Variants in ATP8A1 observed in about 807,000 individuals in gnomAD.
ATP8A1 encodes ATPase phospholipid transporting 8A1.
A neutral mutation model predicts 177.7 loss-of-function variants in ATP8A1; 90 were observed. The observed-to-expected ratio is 0.51, with a 90% CI of 0.43 to 0.60. The LOEUF is 0.60. Ranked by LOEUF, ATP8A1 falls within the 20% of genes least tolerant of loss-of-function variation. The pLI is 0.00. For synonymous variants in ATP8A1, 493 were observed against 485.9 expected, an observed-to-expected ratio of 1.01 and a Z score of -0.19; for missense variants, 1,072 against 1,392.8, an observed-to-expected ratio of 0.77 and a Z score of 3.67.
chr4:42,596,734 T>A (rs1042693558), intron 6 of ATP8A1, among the ~76,000 whole-genome samples: 1 of 150,514 alleles, frequency 6.6e-6, no homozygotes, highest in Non-Finnish European at 1.5e-5. Flanking sequence ...TGCACAAAAG[T>A]GGCTTTACAG....
At chr4:42,594,561 T>C (rs1401624813) in intron 6 of ATP8A1, among the ~76,000 whole-genome samples, 1 of 152,122 alleles carries the variant, frequency 6.6e-6, no homozygotes, top group Non-Finnish European at 1.5e-5. Context: ...GAACATTGTA[T>C]ATTGGATATA....
chr4:42,471,986 T>C (rs1720472256), intron 25 of ATP8A1: 2 of 714,614 alleles, frequency 2.8e-6, no homozygotes, highest in South Asian at 2.7e-5. Context: ...TCCAGAAAGC[T>C]ATCATAATCT....
At chr4:42,653,829 T>TCC (rs1300137534) in intron 1 of ATP8A1, among the ~76,000 whole-genome samples, 1 of 152,242 alleles carries the variant, frequency 6.6e-6, no homozygotes, top group Admixed American at 6.5e-5. Context: ...ATCCAAACTT[T>TCC]TAGCCTGCTC....
intron 29 of ATP8A1, 130 bp downstream of exon 29, chr4:42,455,167 G>C (rs1159926699): frequency 3.8e-5 from 44 of 1,154,598 alleles, no homozygotes; most frequent in Non-Finnish European, 5.1e-5. Context: ...AATATGACTT[G>C]CCATAGTCGG....
intron 1 of ATP8A1, among the ~76,000 whole-genome samples, chr4:42,654,626 C>T (rs1741443715): frequency 6.6e-6 from 1 of 152,176 alleles, no homozygotes; most frequent in Admixed American, 6.5e-5. Context: ...TCTCCCATAC[C>T]AGCCTATTCA....
At chr4:42,454,356 A>T (rs1717501004) in intron 29 of ATP8A1, among the ~76,000 whole-genome samples, 1 of 152,224 alleles carries the variant, frequency 6.6e-6, no homozygotes, top group South Asian at 2.1e-4. Context: ...TAAATATTTA[A>T]AATATCCTAC....
intron 1 of ATP8A1, among the ~76,000 whole-genome samples, chr4:42,640,726 T>A (rs1215108486): frequency 6.6e-6 from 1 of 152,154 alleles, no homozygotes; most frequent in Non-Finnish European, 1.5e-5. Flanking sequence ...TGAGCCCTTC[T>A]GAAAGAGCCT....
At chr4:42,549,109 A>G in intron 18 of ATP8A1, 47 bp from the exon 19 acceptor site, 1 of 1,461,148 alleles carries the variant, frequency 6.8e-7, no homozygotes, top group Non-Finnish European at 9.5e-7. Flanking sequence ...GAAAAGTCTT[A>G]AGCTTCTAGG....
chr4:42,489,412 A>G (rs1722524465), intron 24 of ATP8A1, among the ~76,000 whole-genome samples: 1 of 152,182 alleles, frequency 6.6e-6, no homozygotes. Context: ...TCGTGACATC[A>G]GTATCCCTAG....
In ATP8A1 at chr4:42,586,348, C is replaced by G; in HGVS notation, c.722+1G>C. ...TTTTTATAAAGACGGATTTTACATA[C>G]CCATGTCCATCAAGCCTTATGTTTC... On this transcript the variant is annotated splice_donor_variant, in intron 9 of 36. Transcript: ENST00000381668. LOFTEE classifies it high-confidence loss of function. 1 of 1,613,726 alleles carries G rather than the reference C, an allele frequency of 6.2e-7. No homozygotes were observed.
chr4:42,451,829 C>T (rs1717959753), intron 30 of ATP8A1, 152 bp downstream of exon 30: 1 of 494,130 alleles, frequency 2.0e-6, no homozygotes, highest in Non-Finnish European at 3.6e-6. Flanking sequence ...TAAAAATCTT[C>T]AAAGTGTGTA....
chr4:42,443,664 G>A lies in ATP8A1; in HGVS notation c.3024C>T (p.His1008=), dbSNP rs1302537700. 6.8e-7 allele frequency: 1 copy of A among 1,475,954 alleles called. No individual in the cohort carries two copies. Among genetic ancestry groups the A allele is most frequent in the South Asian group, 1.1e-5 (1 of 88,218 alleles). 91.4% of individuals were successfully genotyped at this position (1,475,954 alleles called of 1,614,324 possible). A position where few individuals can be genotyped will look rare whatever the true frequency, so the allele number is the denominator to read the frequency against. ...LETSYWTWFS[H]IAIWGSIALW... The stretch of plus-strand genomic sequence containing the variant: ...GTGCGATGCTCCCCCATATCGCTAT[G>A]TGGCTGAACTGTAGAGCAAGGAAAT... The change falls in exon 33 of 37, where the codon CAC becomes CAT. Residue 1008 remains histidine (H), a synonymous_variant. Transcript: ENST00000381668.
At chr4:42,653,146 G>A (rs1741277130) in intron 1 of ATP8A1, among the ~76,000 whole-genome samples, 1 of 152,112 alleles carries the variant, frequency 6.6e-6, no homozygotes, top group African/African-American at 2.4e-5. Flanking sequence ...CATTTGCTCT[G>A]GCTGGAACAC....
intron 22 of ATP8A1, among the ~76,000 whole-genome samples, chr4:42,513,446 A>G (rs978460042): frequency 3.9e-5 from 6 of 152,232 alleles, no homozygotes; most frequent in African/African-American, 1.4e-4. Context: ...GCTCAAAGAA[A>G]ATCTATCCAA....
chr4:42,500,724 T>A (rs997543473), intron 24 of ATP8A1, among the ~76,000 whole-genome samples: 1 of 152,338 alleles, frequency 6.6e-6, no homozygotes, highest in South Asian at 2.1e-4. Context: ...GAGTCAAGAA[T>A]GAACCAAGGC....
chr4:42,523,922 CT>C (rs746723219), intron 21 of ATP8A1, among the ~76,000 whole-genome samples: 20 of 151,896 alleles, frequency 1.3e-4, no homozygotes, highest in Non-Finnish European at 2.5e-4. Flanking sequence ...ACATTCCTAT[CT>C]TTTCTCTGCC....
intron 24 of ATP8A1, among the ~76,000 whole-genome samples, chr4:42,497,647 A>T (rs1246436938): frequency 2.0e-5 from 3 of 151,342 alleles, no homozygotes. Flanking sequence ...AATTTTGTTT[A>T]AAAAAAAAGG....
chr4:42,489,001 A>G (rs1722482462), intron 24 of ATP8A1, among the ~76,000 whole-genome samples: 1 of 152,156 alleles, frequency 6.6e-6, no homozygotes, highest in African/African-American at 2.4e-5. Flanking sequence ...TTCCCCCTTT[A>G]TTATCACTTC....
chr4:42,472,250 G>A (rs1317434426), intron 25 of ATP8A1: 24 of 566,964 alleles, frequency 4.2e-5, no homozygotes, highest in Admixed American at 2.4e-4. Flanking sequence ...GATGACAGCC[G>A]GCTCATAAAG....
Sources: allele counts gnomAD v4.1 joint callset (sites outside exome capture counted in the v4.1 genomes callset), GRCh38; gene constraint gnomAD v4.1.1; transcripts MANE v1.5; gene names NCBI Gene and HGNC (gene_info 2026-07-23, HGNC 2026-07-21).